The following ATP8B1 variants were observed in gnomAD, a reference collection of about 807,000 sequenced individuals.
ATP8B1 encodes the protein phospholipid-transporting ATPase IC.
A neutral mutation model predicts 149.9 loss-of-function variants in ATP8B1; 80 were observed. The ratio of observed to expected loss-of-function variants is 0.53; its 90% CI spans 0.45 to 0.64. The LOEUF (loss-of-function observed/expected upper bound fraction) is 0.64, where lower values mean the gene tolerates loss of function less well. Among genes scored for constraint, ATP8B1 ranks in the 30% least tolerant of loss-of-function variants. ATP8B1 has a pLI of 0.00. For synonymous variants in ATP8B1, 536 were observed against 562.8 expected, an observed-to-expected ratio of 0.95 and a Z score of 0.67; for missense variants, 1,247 against 1,552.6, an observed-to-expected ratio of 0.80 and a Z score of 3.31.
intron 2 of ATP8B1, among the ~76,000 whole-genome samples, chr18:57,708,152 T>C (rs1913504082): frequency 8.3e-6 from 1 of 119,828 alleles, no homozygotes; most frequent in African/African-American, 3.3e-5. Context: ...ACGGAAACTC[T>C]GTCTCAAAAA....
At chr18:57,674,241 C>CAAAAAAAAAAAAA (rs745500180) in intron 16 of ATP8B1, among the ~76,000 whole-genome samples, 7 of 82,486 alleles carry the variant, frequency 8.5e-5, no homozygotes, top group South Asian at 1.1e-3. Context: ...GACTCCATCT[C>CAAAAAAAAAAAAA]AAAAAAAAAA....
chr18:57,759,397 G>T (rs1396164925), intron 1 of ATP8B1, among the ~76,000 whole-genome samples: 3 of 152,066 alleles, frequency 2.0e-5, no homozygotes, highest in Admixed American at 6.6e-5. Flanking sequence ...TTCAATCTAA[G>T]GTGATAGCTC....
chr18:57,739,773 T>TCCTTC (rs1190916352), intron 1 of ATP8B1, among the ~76,000 whole-genome samples: 1 of 151,992 alleles, frequency 6.6e-6, no homozygotes, highest in Non-Finnish European at 1.5e-5. Context: ...GGAGTCTGAG[T>TCCTTC]CATTTGAGGC....
chr18:57,661,696 C>CATATATATAT (rs1555688767), intron 21 of ATP8B1, among the ~76,000 whole-genome samples: 17 of 90,382 alleles, frequency 1.9e-4, no homozygotes, highest in African/African-American at 6.1e-4. Flanking sequence ...CACACACACA[C>CATATATATAT]ATATATATAT....
chr18:57,694,655 AT>A lies in ATP8B1; in HGVS notation c.955del (p.Ile319Ter). ...TCTGGTTTTCCCACTATTCTTCATT[AT>A]TTTAGTGTCAGCACCTGAAAATGGA... ...LVIFAGADTK[I>X]MKNSGKTRFK... is the part of the protein sequence containing the mutation. On this transcript the variant is annotated frameshift_variant, in exon 11 of 28. Transcript: ENST00000648908. LOFTEE classifies it high-confidence loss of function. 6.3e-7 allele frequency: 1 copy of A among 1,591,148 alleles called. No individual in the cohort carries two copies. The highest frequency in any genetic ancestry group is 8.6e-7 in the Non-Finnish European group (1 of 1,159,308).
chr18:57,785,708 GT>G (rs2080400963), intron 1 of ATP8B1, among the ~76,000 whole-genome samples: 1 of 152,148 alleles, frequency 6.6e-6, no homozygotes, highest in Non-Finnish European at 1.5e-5. Context: ...GTTTCACCAT[GT>G]TGGCCAGTCT....
chr18:57,775,235 T>C (rs1004954717), intron 1 of ATP8B1, among the ~76,000 whole-genome samples: 4 of 152,102 alleles, frequency 2.6e-5, no homozygotes, highest in African/African-American at 9.7e-5. Context: ...GAGGATTGCT[T>C]GAGCCCAGGG....
Position 57,661,207 on chromosome 18 carries a change from C to T in ATP8B1, c.2674G>A (p.Gly892Arg), listed in dbSNP as rs121909098. 8.7e-6 allele frequency: 14 copies of T among 1,613,884 alleles called. No homozygotes were observed. The highest frequency in any genetic ancestry group is 1.7e-5 in the Admixed American group (1 of 59,992). ...ATGTTCACGTCATTGGCCCCATCTC[C>T]GATGGCCAGCGTGATGGCTTTCTTG... Reference protein sequence around the residue: ...RYKKAITLAIGDGANDVNMIK... With the variant: ...RYKKAITLAIRDGANDVNMIK... The change falls in exon 22 of 28, where the codon GGA (glycine) becomes AGA (arginine). Residue 892 changes from glycine (G) to arginine (R), a missense_variant. Gly to Arg is a moderately radical substitution (Grantham distance 125, BLOSUM62 -2). Around this residue, in one of 3 missense-constraint regions of ATP8B1, gnomAD observed 230 missense variants for 356.6 expected, o/e 0.65. Transcript: ENST00000648908.
intron 1 of ATP8B1, among the ~76,000 whole-genome samples, chr18:57,756,672 T>TCTCTCTCTCG (rs71171083): frequency 6.6e-6 from 1 of 151,862 alleles, no homozygotes; most frequent in East Asian, 1.9e-4. Flanking sequence ...TCTCTCTCTC[T>TCTCTCTCTCG]TTTTAAAACT....
intron 6 of ATP8B1, among the ~76,000 whole-genome samples, chr18:57,699,676 G>A (rs1184871136): frequency 2.0e-5 from 3 of 151,978 alleles, no homozygotes; most frequent in Non-Finnish European, 2.9e-5. Flanking sequence ...AGCGGAGATC[G>A]CGCCACTGCA....
At chr18:57,666,116 C>T (rs1910841573) in intron 20 of ATP8B1, among the ~76,000 whole-genome samples, 1 of 152,148 alleles carries the variant, frequency 6.6e-6, no homozygotes, top group Non-Finnish European at 1.5e-5. Flanking sequence ...TTAATCTGAC[C>T]TCATGCTGGC....
At chr18:57,793,478 AC>A (rs1391687966) in intron 1 of ATP8B1, among the ~76,000 whole-genome samples, 1 of 151,848 alleles carries the variant, frequency 6.6e-6, no homozygotes, top group Non-Finnish European at 1.5e-5. Context: ...CACAGATCAC[AC>A]CACTCCAAGG....
intron 1 of ATP8B1, among the ~76,000 whole-genome samples, chr18:57,779,708 A>G (rs1471809897): frequency 2.6e-5 from 4 of 152,160 alleles, no homozygotes; most frequent in African/African-American, 7.2e-5. Context: ...GACCAGCCCA[A>G]CCAACATGGT....
At chr18:57,794,792 A>AAAAG (rs113119274) in intron 1 of ATP8B1, among the ~76,000 whole-genome samples, 28,121 of 147,844 alleles carry the variant, frequency 0.19, 2,980 homozygotes, top group East Asian at 0.44. Flanking sequence ...CTCCGCCTCA[A>AAAAG]AAAGAAAGAA....
chr18:57,786,041 T>A (rs914067142), intron 1 of ATP8B1, among the ~76,000 whole-genome samples: 2 of 152,246 alleles, frequency 1.3e-5, no homozygotes, highest in East Asian at 3.8e-4. Context: ...CGGCAGCTAA[T>A]GCTAGTACCT....
intron 15 of ATP8B1, among the ~76,000 whole-genome samples, chr18:57,681,821 A>T (rs1432092109): frequency 2.0e-5 from 3 of 151,922 alleles, no homozygotes; most frequent in Non-Finnish European, 4.4e-5. Flanking sequence ...ACAAAACTTG[A>T]AGGTGTAGTC....
chr18:57,795,570 C>T (rs998990598), intron 1 of ATP8B1, among the ~76,000 whole-genome samples: 1 of 152,070 alleles, frequency 6.6e-6, no homozygotes, highest in Non-Finnish European at 1.5e-5. Context: ...CATAGATGAA[C>T]CTTAAGGACA....
At chr18:57,732,137 A>ATATATGTATATATATGTGTATATATGTG (rs1399431720) in intron 1 of ATP8B1, 1 of 78,090 alleles carries the variant, frequency 1.3e-5, no homozygotes, top group South Asian at 3.9e-4. Context: ...GTGTATATGT[A>ATATATGTATATATATGTGTATATATGTG]TATATGTGTA....
At chr18:57,777,091 C>T (rs1308114099) in intron 1 of ATP8B1, among the ~76,000 whole-genome samples, 3 of 152,098 alleles carry the variant, frequency 2.0e-5, no homozygotes, top group African/African-American at 7.2e-5. Context: ...ATTCCTCCCA[C>T]CTCAGCCTCC....
Sources: allele counts gnomAD v4.1 joint callset (sites outside exome capture counted in the v4.1 genomes callset), GRCh38; gene constraint gnomAD v4.1.1; regional missense constraint gnomAD v4.1.1; transcripts MANE v1.5; gene names NCBI Gene and HGNC (gene_info 2026-07-23, HGNC 2026-07-21).